TAOK3: variants seen among roughly 807,000 people sequenced by gnomAD.
TAOK3 encodes the protein TAO kinase 3.
Under a neutral mutation model 120.4 loss-of-function variants are expected in TAOK3, and 40 were observed. The observed-to-expected ratio is 0.33, with a 90% CI of 0.26 to 0.43. The LOEUF (loss-of-function observed/expected upper bound fraction) is 0.43. TAOK3 is among the 20% of genes least tolerant of loss of function. The probability of loss-of-function intolerance (pLI) is 1.00; values close to 1 mark genes in which losing one functional copy is unlikely to be tolerated. For synonymous variants in TAOK3, 355 were observed against 387.5 expected (o/e 0.92, Z 0.99); for missense variants, 821 against 1,112.1 (o/e 0.74, Z 3.72).
chr12:118,163,469 T>TG (rs2035361108), intron 17 of TAOK3, among the ~76,000 whole-genome samples: 1 of 146,386 alleles, frequency 6.8e-6, no homozygotes, highest in African/African-American at 2.5e-5. Flanking sequence ...GGGGTAGAGA[T>TG]GGGGTCTCAC....
chr12:118,158,290 C>T (rs1239318218), intron 19 of TAOK3, among the ~76,000 whole-genome samples: 1 of 152,188 alleles, frequency 6.6e-6, no homozygotes, highest in African/African-American at 2.4e-5. Flanking sequence ...CCGTCCCCAG[C>T]AGATCTCATC....
chr12:118,279,287 G>T (rs1477244195), intron 1 of TAOK3, among the ~76,000 whole-genome samples: 1 of 152,050 alleles, frequency 6.6e-6, no homozygotes, highest in Non-Finnish European at 1.5e-5. Context: ...TTTGCTTGTT[G>T]ATTTGACTTC....
At chr12:118,170,924 C>A (rs376529303) in intron 17 of TAOK3, among the ~76,000 whole-genome samples, 10 of 152,204 alleles carry the variant, frequency 6.6e-5, no homozygotes, top group African/African-American at 2.4e-4. Flanking sequence ...TATCAATTCA[C>A]TTTTGTATTA....
intron 16 of TAOK3, among the ~76,000 whole-genome samples, chr12:118,174,371 T>A (rs2036190614): frequency 1.3e-5 from 2 of 151,832 alleles, no homozygotes; most frequent in South Asian, 2.1e-4. Flanking sequence ...CAAATTGGCT[T>A]CTGGCTTTTT....
At chr12:118,224,310 G>T (rs1464560591) in intron 9 of TAOK3, among the ~76,000 whole-genome samples, 1 of 152,172 alleles carries the variant, frequency 6.6e-6, no homozygotes, top group African/African-American at 2.4e-5. Flanking sequence ...AAAAACTTTA[G>T]AAGACTAAAT....
chr12:118,342,932 T>C (rs1244436178), intron 1 of TAOK3, among the ~76,000 whole-genome samples: 1 of 114,296 alleles, frequency 8.7e-6, no homozygotes, highest in Admixed American at 9.8e-5. Context: ...AGCCTCTGTC[T>C]GCTAAAAAAA....
At chr12:118,214,579 T>A (rs1338134903) in intron 9 of TAOK3, among the ~76,000 whole-genome samples, 1 of 135,340 alleles carries the variant, frequency 7.4e-6, no homozygotes. Flanking sequence ...AAAATGCAAC[T>A]TTTTTTTTTT....
intron 1 of TAOK3, among the ~76,000 whole-genome samples, chr12:118,370,650 T>C (rs2045868832): frequency 6.6e-6 from 1 of 152,168 alleles, no homozygotes. Context: ...AACTGCTGGG[T>C]ACAACCATAA....
intron 1 of TAOK3, among the ~76,000 whole-genome samples, chr12:118,288,615 G>A (rs901879139): frequency 3.9e-5 from 6 of 152,074 alleles, no homozygotes; most frequent in Non-Finnish European, 8.8e-5. Context: ...AGCCCAAGCA[G>A]ACTAAGATAA....
chr12:118,276,246 G>A (rs762479849), intron 1 of TAOK3, among the ~76,000 whole-genome samples: 76 of 152,202 alleles, frequency 5.0e-4, no homozygotes, highest in Non-Finnish European at 1.0e-3. Flanking sequence ...CCAAGGTGCT[G>A]GTGGTAGAGG....
chr12:118,172,645 G>A lies in TAOK3; in HGVS notation c.1711C>T (p.His571Tyr). 1 of 1,614,098 alleles carries A rather than the reference G, an allele frequency of 6.2e-7. No individual in the cohort carries two copies. Among genetic ancestry groups the A allele is most frequent in the Non-Finnish European group, 8.5e-7 (1 of 1,179,988 alleles). Residue 571 changes from histidine to tyrosine, a missense_variant, in exon 17 of 21, where the codon CAT becomes TAT. By Grantham distance (83) the His-to-Tyr change is moderately conservative. This residue lies in a region of TAOK3 where 354 missense variants were observed against 572.1 expected (regional missense o/e 0.62). Transcript: ENST00000392533. Reference sequence around the variant, plus strand: ...TGCTTCTCTTTCTTGGGTGTGCTATGGTCCTCATTCATTTCCTAAAAAGAA... The same window carrying A: ...TGCTTCTCTTTCTTGGGTGTGCTATAGTCCTCATTCATTTCCTAAAAAGAA... ...EKIKEEMNEDHSTPKKEKQER... is the reference protein window; with the variant it reads ...EKIKEEMNEDYSTPKKEKQER...
intron 1 of TAOK3, among the ~76,000 whole-genome samples, chr12:118,339,855 T>G (rs1305209429): frequency 6.6e-6 from 1 of 152,124 alleles, no homozygotes; most frequent in African/African-American, 2.4e-5. Flanking sequence ...TTTCTATAGA[T>G]TCTTCCAATA....
At chr12:118,186,163 A>G (rs991589751) in intron 14 of TAOK3, among the ~76,000 whole-genome samples, 1 of 152,218 alleles carries the variant, frequency 6.6e-6, no homozygotes, top group African/African-American at 2.4e-5. Flanking sequence ...AAAAGACTCT[A>G]TATTTGCATG....
At chr12:118,366,752 C>G (rs147848849) in intron 1 of TAOK3, among the ~76,000 whole-genome samples, 1 of 152,206 alleles carries the variant, frequency 6.6e-6, no homozygotes, top group African/African-American at 2.4e-5. Flanking sequence ...GTCACGTGGA[C>G]CACACCTCTT....
intron 9 of TAOK3, among the ~76,000 whole-genome samples, chr12:118,230,003 T>C (rs1173165748): frequency 2.0e-5 from 3 of 152,136 alleles, no homozygotes; most frequent in African/African-American, 4.8e-5. Context: ...ATAATAGATA[T>C]TAATTAATCT....
chr12:118,218,115 C>A (rs945965054), intron 9 of TAOK3, among the ~76,000 whole-genome samples: 2 of 151,616 alleles, frequency 1.3e-5, no homozygotes, highest in African/African-American at 4.8e-5. Flanking sequence ...CCGCCTTGGC[C>A]TCCCAAGTAT....
At chr12:118,171,352 TTTTGTTTG>T (rs555773415) in intron 17 of TAOK3, among the ~76,000 whole-genome samples, 8 of 152,116 alleles carry the variant, frequency 5.3e-5, no homozygotes, top group African/African-American at 7.2e-5. Context: ...GCACTAATTC[TTTTGTTTG>T]TTTGTTTGTT....
At chr12:118,257,427 T>C (rs115523295) in intron 2 of TAOK3, among the ~76,000 whole-genome samples, 1 of 152,344 alleles carries the variant, frequency 6.6e-6, no homozygotes, top group African/African-American at 2.4e-5. Flanking sequence ...TTATTTGATG[T>C]AGATTCTTTT....
intron 8 of TAOK3, 125 bp downstream of exon 8, chr12:118,235,433 C>G (rs1156880238): frequency 1.5e-6 from 1 of 651,040 alleles, no homozygotes; most frequent in African/African-American, 1.8e-5. Context: ...CTATCCTTCT[C>G]AAATGAAACC....
Sources: gnomAD v4.1 joint callset for allele counts (sites outside exome capture counted in the v4.1 genomes callset) on GRCh38, gnomAD v4.1.1 for gene constraint, gnomAD v4.1.1 regional missense constraint, MANE v1.5 for transcripts, NCBI Gene and HGNC (gene_info 2026-07-23, HGNC 2026-07-21) for gene names.